RLN2: variants seen among roughly 807,000 people sequenced by gnomAD.
The protein encoded by RLN2 is prorelaxin H2.
Under a neutral mutation model 7.3 loss-of-function variants are expected in RLN2, and 10 were observed. The observed-to-expected ratio is 1.36, with a 90% CI of 0.84 to 2.31. RLN2 has a LOEUF of 2.31. Ranked by LOEUF, RLN2 falls within the 30% of genes most tolerant of loss-of-function variation. RLN2 has a pLI of 0.00. For synonymous variants in RLN2, 103 were observed against 82.3 expected, an observed-to-expected ratio of 1.25 and a Z score of -1.36; for missense variants, 298 against 217.6, an observed-to-expected ratio of 1.37 and a Z score of -2.32.
upstream of RLN2, among the ~76,000 whole-genome samples, chr9:5,305,359 C>CCACACACACACA (rs34733616): frequency 2.5e-5 from 3 of 121,894 alleles, no homozygotes; most frequent in East Asian, 2.6e-4. Context: ...GGAGAACATA[C>CCACACACACACA]CACACACACA....
the RLN2 span, among the ~76,000 whole-genome samples, chr9:5,328,851 G>C: frequency 6.6e-6 from 1 of 152,118 alleles, no homozygotes; most frequent in East Asian, 1.9e-4. Context: ...AAGTGAAGGA[G>C]AAATAAAATC....
At chr9:5,318,007 C>CGTGTGTGTGTGTGTGTGTGTGTGT in the RLN2 span, among the ~76,000 whole-genome samples, 2 of 148,064 alleles carry the variant, frequency 1.4e-5, no homozygotes, top group African/African-American at 5.0e-5. Context: ...TGTGTGTGTG[C>CGTGTGTGTGTGTGTGTGTGTGTGT]GTGTGTGTGT....
the RLN2 span, among the ~76,000 whole-genome samples, chr9:5,314,113 C>T: frequency 6.6e-6 from 1 of 152,042 alleles, no homozygotes; most frequent in African/African-American, 2.4e-5. Flanking sequence ...CACACAGCTA[C>T]ACTCCCCACA....
chr9:5,323,715 A>T, the RLN2 span, among the ~76,000 whole-genome samples: 1 of 151,984 alleles, frequency 6.6e-6, no homozygotes. Flanking sequence ...TAAATATGCA[A>T]ATGTTTAAAT....
chr9:5,335,629 G>A, the RLN2 span: 7 of 1,405,590 alleles, frequency 5.0e-6, no homozygotes, highest in African/African-American at 1.0e-4. Context: ...TGTATGTGAA[G>A]GCGTATTCAC....
chr9:5,307,283 A>AGATAGATAGATAGAG (rs1816271821), upstream of RLN2, among the ~76,000 whole-genome samples: 1 of 100,658 alleles, frequency 9.9e-6, no homozygotes, highest in South Asian at 3.0e-4. Context: ...ATAGATAGAT[A>AGATAGATAGATAGAG]GATAGATAGA....
the RLN2 span, among the ~76,000 whole-genome samples, chr9:5,321,253 C>A: frequency 6.6e-6 from 1 of 152,002 alleles, no homozygotes; most frequent in Admixed American, 6.6e-5. Flanking sequence ...CAGATTGAAC[C>A]AACCCATTAG....
chr9:5,316,656 G>A, the RLN2 span, among the ~76,000 whole-genome samples: 1 of 152,052 alleles, frequency 6.6e-6, no homozygotes, highest in South Asian at 2.1e-4. Flanking sequence ...GTATTCCATG[G>A]TGTATATGTG....
the RLN2 span, among the ~76,000 whole-genome samples, chr9:5,331,247 A>T: frequency 1.7e-4 from 26 of 152,066 alleles, no homozygotes; most frequent in African/African-American, 6.0e-4. Context: ...AACTCATTTT[A>T]TGGGGCTAGC....
At chr9:5,310,702 A>C in the RLN2 span, among the ~76,000 whole-genome samples, 1 of 152,070 alleles carries the variant, frequency 6.6e-6, no homozygotes, top group Non-Finnish European at 1.5e-5. Context: ...CCCACTTTCA[A>C]ATAACACTAA....
chr9:5,322,574 C>T, the RLN2 span, among the ~76,000 whole-genome samples: 1 of 151,944 alleles, frequency 6.6e-6, no homozygotes, highest in Middle Eastern at 3.2e-3. Context: ...AGGAAGTCCA[C>T]AGAGAACAAT....
At chr9:5,309,853 G>C in the RLN2 span, among the ~76,000 whole-genome samples, 1 of 151,926 alleles carries the variant, frequency 6.6e-6, no homozygotes, top group African/African-American at 2.4e-5. Context: ...GGGGGTTGTG[G>C]GTGGAAGCAT....
the RLN2 span, among the ~76,000 whole-genome samples, chr9:5,315,402 G>A: frequency 6.6e-5 from 10 of 150,470 alleles, no homozygotes; most frequent in Non-Finnish European, 3.0e-5. Context: ...ATTACCCAAT[G>A]AGAAGGAAAA....
At chr9:5,316,467 T>C in the RLN2 span, among the ~76,000 whole-genome samples, 1 of 151,892 alleles carries the variant, frequency 6.6e-6, no homozygotes, top group Non-Finnish European at 1.5e-5. Flanking sequence ...AAAGGCCCTG[T>C]TGTGTGATGT....
chr9:5,307,620 G>A (rs1265684750), upstream of RLN2, among the ~76,000 whole-genome samples: 4 of 152,000 alleles, frequency 2.6e-5, no homozygotes, highest in Non-Finnish European at 4.4e-5. Context: ...GGGCTCTGCC[G>A]AGCTGCTTTC....
At chr9:5,331,374 C>A in the RLN2 span, among the ~76,000 whole-genome samples, 23 of 151,946 alleles carry the variant, frequency 1.5e-4, no homozygotes, top group Non-Finnish European at 3.1e-4. Flanking sequence ...CACATGCACA[C>A]ATATGTTTAT....
chr9:5,317,055 A>G, the RLN2 span, among the ~76,000 whole-genome samples: 1 of 152,100 alleles, frequency 6.6e-6, no homozygotes, highest in Non-Finnish European at 1.5e-5. Flanking sequence ...CACAGTAACC[A>G]GAAAACAAAA....
the RLN2 span, among the ~76,000 whole-genome samples, chr9:5,320,412 C>T: frequency 6.6e-6 from 1 of 152,010 alleles, no homozygotes; most frequent in African/African-American, 2.4e-5. Flanking sequence ...ACTCTGTCGC[C>T]TAGGCTGGAG....
the RLN2 span, among the ~76,000 whole-genome samples, chr9:5,316,617 A>G: frequency 6.6e-6 from 1 of 152,050 alleles, no homozygotes; most frequent in South Asian, 2.1e-4. Context: ...TGCAAAGGAC[A>G]TGAGCTTATC....
Sources: gnomAD v4.1 joint callset for allele counts (sites outside exome capture counted in the v4.1 genomes callset) on GRCh38, gnomAD v4.1.1 for gene constraint, MANE v1.5 for transcripts, NCBI Gene and HGNC (gene_info 2026-07-23, HGNC 2026-07-21) for gene names.